Variants in PKD2 observed in about 807,000 individuals in gnomAD.
The protein encoded by PKD2 is polycystin-2.
Under a neutral mutation model 105.9 loss-of-function variants are expected in PKD2, and 48 were observed. The observed-to-expected ratio is 0.45, with a 90% confidence interval of 0.36 to 0.58. PKD2 has a LOEUF of 0.58. Among genes scored for constraint, PKD2 ranks in the 20% least tolerant of loss-of-function variants. PKD2 has a pLI of 0.00. For synonymous variants in PKD2, 464 were observed against 481.1 expected (o/e 0.96, Z 0.46); for missense variants, 1,078 against 1,255.3 (o/e 0.86, Z 2.13).
chr4:88,061,885 C>T (rs1188295574), intron 9 of PKD2, 21 bp from the exon 10 acceptor site: 5 of 1,114,004 alleles, frequency 4.5e-6, no homozygotes, highest in South Asian at 1.3e-5. Context: ...TAATTTTTGC[C>T]CTCCTTTCAT....
At chr4:88,027,035 G>A (rs1357984324) in intron 2 of PKD2, among the ~76,000 whole-genome samples, 2 of 152,234 alleles carry the variant, frequency 1.3e-5, no homozygotes, top group Admixed American at 6.5e-5. Flanking sequence ...GAGCCTTATG[G>A]AGAACCTCTG....
At chr4:88,016,902 G>A (rs1046601338) in intron 1 of PKD2, among the ~76,000 whole-genome samples, 1 of 151,810 alleles carries the variant, frequency 6.6e-6, no homozygotes, top group African/African-American at 2.4e-5. Flanking sequence ...GGTGGTCAAG[G>A]CTGCAGTGGG....
intron 9 of PKD2, among the ~76,000 whole-genome samples, chr4:88,060,940 A>C (rs938812918): frequency 2.0e-5 from 3 of 152,222 alleles, no homozygotes; most frequent in African/African-American, 7.2e-5. Flanking sequence ...ACAATTAAAT[A>C]ATTCTTTAAA....
At chr4:88,022,038 A>G (rs1021350280) in intron 2 of PKD2, among the ~76,000 whole-genome samples, 6 of 152,078 alleles carry the variant, frequency 3.9e-5, no homozygotes, top group African/African-American at 1.4e-4. Context: ...CAGACACTAC[A>G]CTGTGGCTTG....
chr4:88,039,722 A>G (rs1451646591), intron 4 of PKD2, among the ~76,000 whole-genome samples: 1 of 152,118 alleles, frequency 6.6e-6, no homozygotes, highest in Non-Finnish European at 1.5e-5. Context: ...AAGGAACTAA[A>G]TAGTCTCAAA....
At chr4:88,061,476 G>A (rs954172228) in intron 9 of PKD2, among the ~76,000 whole-genome samples, 1 of 152,116 alleles carries the variant, frequency 6.6e-6, no homozygotes, top group African/African-American at 2.4e-5. Context: ...AGTGGCTCAC[G>A]CTTGCAATCC....
chr4:88,019,447 T>C lies in PKD2; in HGVS notation c.596-11T>C. Reference sequence around the variant, plus strand: ...ATGATATCTTTTCTTTTCTTCATTATTATTTTAAAGGTCTCTGGGGAACAA... The same window carrying C: ...ATGATATCTTTTCTTTTCTTCATTACTATTTTAAAGGTCTCTGGGGAACAA... On this transcript the variant is annotated splice_polypyrimidine_tract_variant and intron_variant, in intron 1 of 14. Transcript: ENST00000237596. The C allele has an allele frequency of 2.3e-6, 3 of 1,306,856 alleles. No individual in the cohort carries two copies. The highest frequency in any genetic ancestry group is 3.3e-6 in the Non-Finnish European group (3 of 900,860). 81.0% of individuals were successfully genotyped at this position (1,306,856 alleles called of 1,614,324 possible). A position where few individuals can be genotyped will look rare whatever the true frequency, so the allele number is the denominator to read the frequency against.
chr4:88,048,334 T>A (rs1433600256), intron 6 of PKD2, among the ~76,000 whole-genome samples: 1 of 152,200 alleles, frequency 6.6e-6, no homozygotes, highest in Non-Finnish European at 1.5e-5. Flanking sequence ...ATCAAGTCAT[T>A]ATTAAACTAT....
In PKD2 at chr4:88,021,046, G is replaced by A. The variant is rs1000977341; in HGVS notation, c.709+1475G>A. ...TTAGAAACTTGAGATTGAGTTTGCT[G>A]CCTGCATTAAAATGATGCTTAAACA... On this transcript the variant is annotated intron_variant, in intron 2 of 14. Transcript: ENST00000237596. Among the ~76,000 whole-genome samples the A allele has an allele frequency of 2.0e-4, 30 of 152,150 alleles. 1 individual carries two copies. The highest frequency in any genetic ancestry group is 6.5e-5 in the Admixed American group (1 of 15,278).
intron 5 of PKD2, among the ~76,000 whole-genome samples, chr4:88,043,684 T>C (rs1360570600): frequency 6.6e-6 from 1 of 152,224 alleles, no homozygotes; most frequent in East Asian, 1.9e-4. Context: ...ACCATAACTC[T>C]GGTCCAAGTT....
chr4:88,065,843 A>G lies in PKD2; in HGVS notation c.2322A>G (p.Glu774=). Residue 774 remains glutamate, a synonymous_variant, in exon 12 of 15, where the codon GAA becomes GAG. Transcript: ENST00000237596. Reference sequence around the variant, plus strand: ...GAGACCAAGAACTGACCGAACATGAACATCAGCAGATGAGAGACGACTTGG... The same window carrying G: ...GAGACCAAGAACTGACCGAACATGAGCATCAGCAGATGAGAGACGACTTGG... ...QDGDQELTEH[E]HQQMRDDLEK... 1.2e-6 allele frequency: 2 copies of G among 1,613,268 alleles called. No homozygotes were observed. The highest frequency in any genetic ancestry group is 1.3e-5 in the African/African-American group (1 of 75,028).
At chr4:88,039,317 T>A (rs1727464489) in intron 4 of PKD2, among the ~76,000 whole-genome samples, 1 of 152,160 alleles carries the variant, frequency 6.6e-6, no homozygotes, top group Non-Finnish European at 1.5e-5. Context: ...ATATTCTTCT[T>A]GTACCTTCCA....
At chr4:88,057,831 C>T in intron 8 of PKD2, 152 bp from the exon 9 acceptor site, 1 of 687,078 alleles carries the variant, frequency 1.5e-6, no homozygotes, top group South Asian at 1.6e-5. Flanking sequence ...AGTAGCAAGA[C>T]TTTGTAAATG....
intron 1 of PKD2, among the ~76,000 whole-genome samples, chr4:88,009,795 A>G (rs892890658): frequency 2.0e-5 from 3 of 152,218 alleles, no homozygotes; most frequent in Non-Finnish European, 2.9e-5. Flanking sequence ...TAAAATGTGC[A>G]TTTAAAAAAT....
rs1578111778 is a variant in PKD2, at chr4:88,008,329, G to C, written c.595+1G>C. Reference sequence around the variant, plus strand: ...GAGAGGCTGGTTCGCGGGCTGCGAGGTAAGAGCGCGCGACCCGCAGCGGCA... The same window carrying C: ...GAGAGGCTGGTTCGCGGGCTGCGAGCTAAGAGCGCGCGACCCGCAGCGGCA... On this transcript the variant is annotated splice_donor_variant, in intron 1 of 14. Transcript: ENST00000237596. LOFTEE classifies it high-confidence loss of function. The C allele has an allele frequency of 6.6e-7, 1 of 1,506,526 alleles. No homozygotes were observed. Among genetic ancestry groups the C allele is most frequent in the Non-Finnish European group, 8.8e-7 (1 of 1,132,972 alleles). 93.3% of individuals were successfully genotyped at this position (1,506,526 alleles called of 1,614,324 possible).
chr4:88,058,175 A>G lies in PKD2; in HGVS notation c.2019+72A>G, dbSNP rs1720434041. 16 of 939,634 alleles carry G rather than the reference A, an allele frequency of 1.7e-5. No individual in the cohort carries two copies. In the South Asian group the frequency reaches 1.9e-4, roughly 11 times the overall value. The allele number at this position is 939,634 out of a possible 1,614,324, so 58.2% of individuals were successfully genotyped here. ...ATCCTTGTCTTCTCTTTTCTCTCACACTTTATGTCCTATCAATTTTAAATA... is the reference window on the plus strand; with the variant it reads ...ATCCTTGTCTTCTCTTTTCTCTCACGCTTTATGTCCTATCAATTTTAAATA... On this transcript the variant is annotated intron_variant, in intron 9 of 14. Coordinates refer to ENST00000237596, the MANE Select transcript of PKD2 (RefSeq NM_000297.4).
At position 88,043,399 on chromosome 4, in the gene PKD2, G is replaced by T. The variant is rs748280556; in HGVS notation, c.1261G>T (p.Ala421Ser). Residue 421 changes from alanine (A) to serine (S), a missense_variant, in exon 5 of 15, where the codon GCA (alanine) becomes TCA (serine). Coordinates refer to ENST00000237596, the MANE Select transcript of PKD2 (RefSeq NM_000297.4). ...TGTCTGGCTGGACCGAGGAACCAGG[G>T]CAACTTTTATTGACTTCTCAGTGTA... is the stretch of plus-strand genomic sequence containing the variant. ...KNVWLDRGTR[A>S]TFIDFSVYNA... is the part of the protein sequence containing the mutation. 1.9e-6 allele frequency: 3 copies of T among 1,614,072 alleles called. No individual in the cohort carries two copies. Among genetic ancestry groups the T allele is most frequent in the Non-Finnish European group, 2.5e-6 (3 of 1,179,946 alleles).
intron 1 of PKD2, among the ~76,000 whole-genome samples, chr4:88,018,611 C>T (rs1361809811): frequency 1.3e-5 from 2 of 152,196 alleles, no homozygotes; most frequent in Non-Finnish European, 2.9e-5. Flanking sequence ...TGTTCATTAA[C>T]GGGGCTTTGG....
At chr4:88,058,185 C>A in intron 9 of PKD2, 82 bp downstream of exon 9, 1 of 882,982 alleles carries the variant, frequency 1.1e-6, no homozygotes, top group South Asian at 1.4e-5. Context: ...ACTTTATGTC[C>A]TATCAATTTT....
Sources: gnomAD v4.1 joint callset for allele counts (sites outside exome capture counted in the v4.1 genomes callset) on GRCh38, gnomAD v4.1.1 for gene constraint, MANE v1.5 for transcripts, NCBI Gene and HGNC (gene_info 2026-07-23, HGNC 2026-07-21) for gene names.